The following TRIB2 variants were observed in gnomAD, a reference collection of about 807,000 sequenced individuals.
TRIB2 encodes tribbles homolog 2.
Under a neutral mutation model 26.8 loss-of-function variants are expected in TRIB2, and 2 were observed. The ratio of observed to expected loss-of-function variants is 0.07; its 90% CI spans 0.03 to 0.24. The LOEUF is 0.24. TRIB2 is among the 10% of genes least tolerant of loss of function. The pLI, the probability that TRIB2 is intolerant of heterozygous loss-of-function variation, is 1.00. For missense variants in TRIB2, 306 were observed against 449.0 expected, an observed-to-expected ratio of 0.68 and a Z score of 2.88; for synonymous variants, 189 against 187.3, an observed-to-expected ratio of 1.01 and a Z score of -0.08.
intron 2 of TRIB2, among the ~76,000 whole-genome samples, chr2:12,739,550 G>T (rs1558321033): frequency 6.6e-6 from 1 of 152,216 alleles, no homozygotes; most frequent in Non-Finnish European, 1.5e-5. Flanking sequence ...ACCAGGGAAA[G>T]AAGATGGTCT....
chr2:12,718,845 C>A lies in TRIB2; in HGVS notation c.270+268C>A, dbSNP rs1362251546. On this transcript the variant is annotated intron_variant, in intron 1 of 2. Coordinates refer to ENST00000155926, the MANE Select transcript of TRIB2 (RefSeq NM_021643.4). This position sits in a 1 kb window ranked among gnomAD's most constrained non-coding sequence, Gnocchi z 4.0. ...TGCGCGGGGGCCACGGACACGCGTG[C>A]ACCGAAGGCTCCAGGAGCTCTCTGC... Among the ~76,000 whole-genome samples the A allele has an allele frequency of 6.6e-6, 1 of 152,096 alleles. No individual in the cohort carries two copies. Among genetic ancestry groups the A allele is most frequent in the Non-Finnish European group, 1.5e-5 (1 of 68,020 alleles).
In TRIB2 at chr2:12,742,226, A is replaced by G. The variant is rs1269173427; in HGVS notation, c.*1432A>G. On this transcript the variant is annotated 3_prime_UTR_variant, in exon 3 of 3. Coordinates refer to ENST00000155926, the MANE Select transcript of TRIB2 (RefSeq NM_021643.4). ...GATACAGAACTCTTTTGGCATAAAT[A>G]TTTGTGTTCCCAGTACCTCACTTGT... 2 of 152,574 alleles carry G rather than the reference A, an allele frequency of 1.3e-5. No individual in the cohort carries two copies. Among genetic ancestry groups the G allele is most frequent in the South Asian group, 2.1e-4 (1 of 4,830 alleles). 9.5% of individuals were successfully genotyped at this position (152,574 alleles called of 1,614,324 possible).
chr2:12,724,603 AC>A, intron 2 of TRIB2: 1 of 1,600,806 alleles, frequency 6.2e-7, no homozygotes, highest in East Asian at 2.2e-5. Flanking sequence ...GTGTGGAACC[AC>A]ATTTACCTTT....
In TRIB2 at chr2:12,723,406, C is replaced by A; in HGVS notation, c.417C>A (p.Ser139=). 1 of 1,614,222 alleles carries A rather than the reference C, an allele frequency of 6.2e-7. No individual in the cohort carries two copies. Among genetic ancestry groups the A allele is most frequent in the Non-Finnish European group, 8.5e-7 (1 of 1,180,038 alleles). ...AGCGAAGCTATGGGGACATGCATTCCTTCGTCCGCACCTGCAAGAAGCTGA... is the reference window on the plus strand; with the variant it reads ...AGCGAAGCTATGGGGACATGCATTCATTCGTCCGCACCTGCAAGAAGCTGA... ...FFERSYGDMH[S]FVRTCKKLRE... Residue 139 remains serine (S), a synonymous_variant, in exon 2 of 3, where the codon TCC becomes TCA. Coordinates refer to ENST00000155926, the MANE Select transcript of TRIB2 (RefSeq NM_021643.4).
chr2:12,738,212 C>G (rs971927610), intron 2 of TRIB2, among the ~76,000 whole-genome samples: 1 of 152,124 alleles, frequency 6.6e-6, no homozygotes, highest in Non-Finnish European at 1.5e-5. Context: ...CGGTGGTGAT[C>G]ACGCTGAAAG....
chr2:12,726,234 G>A (rs562420046), intron 2 of TRIB2, among the ~76,000 whole-genome samples: 5 of 152,340 alleles, frequency 3.3e-5, no homozygotes, highest in South Asian at 2.1e-4. Context: ...TCAACTTTTT[G>A]TGAAAGGGGA....
At chr2:12,729,751 T>C (rs1468411489) in intron 2 of TRIB2, among the ~76,000 whole-genome samples, 1 of 152,178 alleles carries the variant, frequency 6.6e-6, no homozygotes, top group Non-Finnish European at 1.5e-5. Context: ...GCTTACTGCT[T>C]GTACTTAGTA....
At chr2:12,733,294 T>C (rs1301973099) in intron 2 of TRIB2, among the ~76,000 whole-genome samples, 1 of 152,366 alleles carries the variant, frequency 6.6e-6, no homozygotes, top group South Asian at 2.1e-4. Context: ...GTGAATGGGA[T>C]GGTTTTGTAC....
At chr2:12,723,986 C>T (rs1661282869) in intron 2 of TRIB2, among the ~76,000 whole-genome samples, 1 of 152,164 alleles carries the variant, frequency 6.6e-6, no homozygotes, top group Admixed American at 6.5e-5. Flanking sequence ...AGGTATTAGT[C>T]ACAATTCTCA....
At chr2:12,735,843 T>C (rs1193225913) in intron 2 of TRIB2, among the ~76,000 whole-genome samples, 1 of 152,134 alleles carries the variant, frequency 6.6e-6, no homozygotes, top group East Asian at 1.9e-4. Flanking sequence ...AATTTCAGCC[T>C]CTGAAGGAAA....
intron 2 of TRIB2, among the ~76,000 whole-genome samples, chr2:12,739,245 T>C (rs1214185703): frequency 1.3e-5 from 2 of 152,110 alleles, no homozygotes; most frequent in African/African-American, 4.8e-5. Context: ...GCAGGAAATC[T>C]GGGGAAAGAA....
chr2:12,739,710 T>G (rs1661668801), intron 2 of TRIB2, among the ~76,000 whole-genome samples: 1 of 152,242 alleles, frequency 6.6e-6, no homozygotes, highest in African/African-American at 2.4e-5. Flanking sequence ...GGATCAAGTC[T>G]TCTCCATTTC....
Position 12,718,191 on chromosome 2 carries a change from C to A in TRIB2, c.-117C>A. ...TCTCCACGCAGCCCCTCTTCTGTCC[C>A]CTCCCCTCTCGCTCCCTTTTAAAAT... On this transcript the variant is annotated 5_prime_UTR_variant, in exon 1 of 3. Transcript: ENST00000155926. The surrounding 1 kb of genome is among the most constrained non-coding windows in gnomAD (Gnocchi z 4.0). 7.4e-7 allele frequency: 1 copy of A among 1,352,392 alleles called. No homozygotes were observed. Among genetic ancestry groups the A allele is most frequent in the South Asian group, 1.5e-5 (1 of 66,352 alleles). 83.8% of individuals were successfully genotyped at this position (1,352,392 alleles called of 1,614,324 possible). A position where few individuals can be genotyped will look rare whatever the true frequency, so the allele number is the denominator to read the frequency against.
rs182296905 is a variant in TRIB2 at position 12,732,256 on chromosome 2, G to C, written c.564-8070G>C. Among the ~76,000 whole-genome samples the C allele has an allele frequency of 1.6e-4, 25 of 152,144 alleles. No homozygotes were observed. Among genetic ancestry groups the C allele is most frequent in the Non-Finnish European group, 3.4e-4 (23 of 68,026 alleles). On this transcript the variant is annotated intron_variant, in intron 2 of 2. Coordinates refer to ENST00000155926, the MANE Select transcript of TRIB2 (RefSeq NM_021643.4). This position sits in a 1 kb window ranked among gnomAD's most constrained non-coding sequence, Gnocchi z 4.2. ...ATGCGGACAGGGCAGGGATTCCGTC[G>C]TGGCCGGGTAGATGGCACTGCAGAA...
At chr2:12,721,381 ACT>A (rs1176644101) in intron 1 of TRIB2, among the ~76,000 whole-genome samples, 5 of 152,186 alleles carry the variant, frequency 3.3e-5, no homozygotes, top group African/African-American at 9.7e-5. Flanking sequence ...AATAATCATA[ACT>A]CTGTGAGCAC....
intron 1 of TRIB2, among the ~76,000 whole-genome samples, chr2:12,722,089 A>G (rs1412305311): frequency 6.6e-6 from 1 of 152,192 alleles, no homozygotes; most frequent in African/African-American, 2.4e-5. Flanking sequence ...TATCCATCTC[A>G]TCCAGATTAT....
intron 2 of TRIB2, among the ~76,000 whole-genome samples, chr2:12,728,148 G>A (rs1169105694): frequency 6.6e-6 from 1 of 151,998 alleles, no homozygotes. Context: ...TAAGCTTTGT[G>A]CCCAGACTGC....
At position 12,732,899 on chromosome 2, in the gene TRIB2, T is replaced by C. The variant is rs2380450; in HGVS notation, c.564-7427T>C. Among the ~76,000 whole-genome samples, 40,760 of 152,096 alleles carry C rather than the reference T, an allele frequency of 0.27. 7,923 individuals are homozygous for C. Among genetic ancestry groups the C allele is most frequent in the African/African-American group, 0.55 (22,747 of 41,422 alleles). Reference sequence around the variant, plus strand: ...CTTAAGCCTATCTGGACCGCCTGACTGGACGGCCTTCAGTGACTTCTCTGG... The same window carrying C: ...CTTAAGCCTATCTGGACCGCCTGACCGGACGGCCTTCAGTGACTTCTCTGG... On this transcript the variant is annotated intron_variant, in intron 2 of 2. Transcript: ENST00000155926. The surrounding 1 kb of genome is among the most constrained non-coding windows in gnomAD (Gnocchi z 4.2).
chr2:12,736,051 C>T (rs958745237), intron 2 of TRIB2, among the ~76,000 whole-genome samples: 1 of 152,082 alleles, frequency 6.6e-6, no homozygotes, highest in African/African-American at 2.4e-5. Flanking sequence ...AGGCCTTAAC[C>T]ATTTTCTGAG....
Sources: allele counts gnomAD v4.1 joint callset (sites outside exome capture counted in the v4.1 genomes callset), GRCh38; gene constraint gnomAD v4.1.1; non-coding constraint Gnocchi (gnomAD v3.1); transcripts MANE v1.5; gene names NCBI Gene and HGNC (gene_info 2026-07-23, HGNC 2026-07-21).